Variants in PTGFRN observed in about 807,000 individuals in gnomAD.
PTGFRN encodes the protein prostaglandin F2 receptor inhibitor, also known as prostaglandin F2 receptor negative regulator.
PTGFRN carries 35 observed loss-of-function variants against 83.2 expected under a neutral mutation model. The observed-to-expected ratio is 0.42, with a 90% CI of 0.32 to 0.56. PTGFRN has a LOEUF of 0.56. Ranked by LOEUF, PTGFRN falls within the 20% of genes least tolerant of loss-of-function variation. The pLI is 0.11. For synonymous variants in PTGFRN, 519 were observed against 498.6 expected, an observed-to-expected ratio of 1.04 and a Z score of -0.55; for missense variants, 1,051 against 1,179.5, an observed-to-expected ratio of 0.89 and a Z score of 1.60.
chr1:116,979,929 C>A (rs1221796284), intron 7 of PTGFRN, among the ~76,000 whole-genome samples: 2 of 139,304 alleles, frequency 1.4e-5, no homozygotes, highest in Non-Finnish European at 3.1e-5. Context: ...TCAGAGTGAA[C>A]AGGCAACCTA....
chr1:116,932,954 T>C (rs1273420569), intron 1 of PTGFRN, among the ~76,000 whole-genome samples: 1 of 152,214 alleles, frequency 6.6e-6, no homozygotes, highest in Non-Finnish European at 1.5e-5. Context: ...TCCTCATATC[T>C]GTGATAGGGG....
chr1:116,985,002 A>C lies in PTGFRN; in HGVS notation c.2473+17A>C. The C allele has an allele frequency of 6.2e-7, 1 of 1,603,610 alleles. No individual in the cohort carries two copies. The highest frequency in any genetic ancestry group is 1.1e-5 in the South Asian group (1 of 90,174). ...AGATGGATGGTAAGAATGTCACCCA[A>C]ATTTCTCAGTGTTTGGGAATGTCTT... On this transcript the variant is annotated intron_variant, in intron 8 of 8. Coordinates refer to ENST00000393203, the MANE Select transcript of PTGFRN (RefSeq NM_020440.4).
rs1246635343 is a variant in PTGFRN at position 116,961,891 on chromosome 1, C to G, written c.1639+223C>G. 6.6e-6 allele frequency among the ~76,000 whole-genome samples: 1 copy of G among 152,190 alleles called. No individual in the cohort carries two copies. ...GGTCCCTCTCCAACTCACTGTCAAT[C>G]AGCCAAGTCTCTTGTTTCCTGAACT... On this transcript the variant is annotated intron_variant, in intron 5 of 8. Transcript: ENST00000393203. The surrounding 1 kb of genome is among the most constrained non-coding windows in gnomAD (Gnocchi z 5.4).
At chr1:116,936,612 G>C (rs1649926524) in intron 1 of PTGFRN, among the ~76,000 whole-genome samples, 1 of 152,194 alleles carries the variant, frequency 6.6e-6, no homozygotes. Flanking sequence ...GGGTATTCCA[G>C]GTGATGGAGG....
chr1:116,910,262 CGCGGGGCTCA>C lies in PTGFRN; in HGVS notation c.49+18_49+27del. On this transcript the variant is annotated intron_variant, in intron 1 of 8. Coordinates refer to ENST00000393203, the MANE Select transcript of PTGFRN (RefSeq NM_020440.4). ...GCGCTCCTGTCGTTGGGTGAGTGTG[CGCGGGGCTCA>C]GCGGGGCACACGGGGACTGGCGAGG... 2 of 1,427,562 alleles carry C rather than the reference CGCGGGGCTCA, an allele frequency of 1.4e-6. No homozygotes were observed. Among genetic ancestry groups the C allele is most frequent in the Non-Finnish European group, 1.8e-6 (2 of 1,097,764 alleles). 88.4% of individuals were successfully genotyped at this position (1,427,562 alleles called of 1,614,324 possible).
At position 116,967,068 on chromosome 1, in the gene PTGFRN, C is replaced by A. The variant is rs1557746095; in HGVS notation, c.1797C>A (p.Pro599=). Residue 599 remains proline (P), a synonymous_variant, in exon 6 of 9, where the codon CCC becomes CCA. Transcript: ENST00000393203. ...AGCCTGTCGGCGACCTCTCCAGTCC[C>A]AATGAAACGAAGTACATCATCTCTC... The part of the protein sequence containing the change: ...AEKPVGDLSS[P]NETKYIISLD... The A allele has an allele frequency of 6.2e-7, 1 of 1,614,184 alleles. No homozygotes were observed. The highest frequency in any genetic ancestry group is 2.2e-5 in the East Asian group (1 of 44,890).
rs1357722009 is a variant in PTGFRN, at chr1:116,942,051, A to T, written c.386A>T (p.Gln129Leu). The T allele has an allele frequency of 1.9e-6, 3 of 1,613,974 alleles. No individual in the cohort carries two copies. The highest frequency in any genetic ancestry group is 1.7e-5 in the Admixed American group (1 of 60,008). The change falls in exon 2 of 9, where the codon CAG becomes CTG. Residue 129 changes from glutamine to leucine, a missense_variant. Transcript: ENST00000393203. ...ACCCCCAGCACAGATGCCACTGTCC[A>T]GGGAAACTATGAGGACACAGTGCAG... ...CSTPSTDATV[Q>L]GNYEDTVQVK...
At chr1:116,910,967 C>T (rs12131498) in intron 1 of PTGFRN, among the ~76,000 whole-genome samples, 3 of 152,158 alleles carry the variant, frequency 2.0e-5, no homozygotes, top group Admixed American at 6.5e-5. Flanking sequence ...ACTATCCCCT[C>T]GTCTTCCACC....
In PTGFRN at chr1:116,923,187, A is replaced by G. The variant is rs1303430070; in HGVS notation, c.49+12935A>G. Among the ~76,000 whole-genome samples the G allele has an allele frequency of 6.6e-6, 1 of 152,214 alleles. No homozygotes were observed. The highest frequency in any genetic ancestry group is 1.5e-5 in the Non-Finnish European group (1 of 68,036). On this transcript the variant is annotated intron_variant, in intron 1 of 8. Coordinates refer to ENST00000393203, the MANE Select transcript of PTGFRN (RefSeq NM_020440.4). This position sits in a 1 kb window ranked among gnomAD's most constrained non-coding sequence, Gnocchi z 4.0. ...CTTACCCCAGCATGTAGGAACTTGA[A>G]TCTTTGAATAATTGAATTAATGTAT...
chr1:116,984,793 G>C lies in PTGFRN; in HGVS notation c.2281G>C (p.Asp761His), dbSNP rs961307510. ...RKGIVTTSRR[D>H]WKSDLSLERV... ...GGGCATCGTGACCACCTCCCGGAGG[G>C]ACTGGAAGAGCGACCTCAGCCTGGA... The change falls in exon 8 of 9, where the codon GAC becomes CAC. Residue 761 changes from aspartate to histidine, a missense_variant. Around this residue, in one of 3 missense-constraint regions of PTGFRN, gnomAD observed 719 missense variants for 836.6 expected, o/e 0.86. Transcript: ENST00000393203. 5.0e-6 allele frequency: 8 copies of C among 1,614,126 alleles called. No homozygotes were observed. Among genetic ancestry groups the C allele is most frequent in the Non-Finnish European group, 6.8e-6 (8 of 1,180,022 alleles).
chr1:116,952,546 AAAG>A lies in PTGFRN; in HGVS notation c.1213+2980_1213+2982del, dbSNP rs1376395132. Among the ~76,000 whole-genome samples, 2 of 152,134 alleles carry A rather than the reference AAAG, an allele frequency of 1.3e-5. No homozygotes were observed. The highest frequency in any genetic ancestry group is 4.8e-5 in the African/African-American group (2 of 41,402). ...ACATAAAATCAAGATCAAAAGGGTA[AAAG>A]AAGAATAGATATTGCAAGGTGGTTG... On this transcript the variant is annotated intron_variant, in intron 4 of 8. Coordinates refer to ENST00000393203, the MANE Select transcript of PTGFRN (RefSeq NM_020440.4). The surrounding 1 kb of genome is among the most constrained non-coding windows in gnomAD (Gnocchi z 4.0).
chr1:116,910,908 T>C (rs1649255576), intron 1 of PTGFRN, among the ~76,000 whole-genome samples: 1 of 152,200 alleles, frequency 6.6e-6, no homozygotes, highest in Non-Finnish European at 1.5e-5. Flanking sequence ...CACAAAGACC[T>C]AAAAGCCTGG....
At chr1:116,932,468 C>T (rs946433425) in intron 1 of PTGFRN, among the ~76,000 whole-genome samples, 3 of 152,172 alleles carry the variant, frequency 2.0e-5, no homozygotes, top group Non-Finnish European at 4.4e-5. Context: ...GAGCAGAGGA[C>T]TTCTAAAAGT....
intron 5 of PTGFRN, among the ~76,000 whole-genome samples, chr1:116,964,102 T>C (rs1360187778): frequency 6.6e-6 from 1 of 152,056 alleles, no homozygotes; most frequent in Non-Finnish European, 1.5e-5. Context: ...TATGCTAGTC[T>C]TGATCTTCCT....
At chr1:116,978,664 ATTCAACAGTCC>A (rs1421077839) in intron 7 of PTGFRN, among the ~76,000 whole-genome samples, 2 of 152,234 alleles carry the variant, frequency 1.3e-5, no homozygotes, top group Non-Finnish European at 2.9e-5. Context: ...CTTTGACAAA[ATTCAACAGTCC>A]TTCATGCTAA....
intron 1 of PTGFRN, among the ~76,000 whole-genome samples, chr1:116,933,515 A>G (rs896487383): frequency 6.6e-6 from 1 of 152,298 alleles, no homozygotes; most frequent in Admixed American, 6.5e-5. Context: ...GTTTACCCAC[A>G]TAGTTATTCT....
At position 116,961,041 on chromosome 1, in the gene PTGFRN, TGAG is replaced by T. The variant is rs1650644578; in HGVS notation, c.1214-201_1214-199del. 6.6e-6 allele frequency among the ~76,000 whole-genome samples: 1 copy of T among 152,150 alleles called. No homozygotes were observed. Among genetic ancestry groups the T allele is most frequent in the Non-Finnish European group, 1.5e-5 (1 of 68,014 alleles). On this transcript the variant is annotated intron_variant, in intron 4 of 8. Coordinates refer to ENST00000393203, the MANE Select transcript of PTGFRN (RefSeq NM_020440.4). The surrounding 1 kb of genome is among the most constrained non-coding windows in gnomAD (Gnocchi z 5.4). The stretch of plus-strand genomic sequence containing the variant: ...GGAGGTTTTCTTGGGGTGGGAGGTA[TGAG>T]AAGCGGTGTTTTACAAGTTTTGCAA...
chr1:116,949,356 C>T lies in PTGFRN; in HGVS notation c.997C>T (p.Arg333Trp), dbSNP rs141382228. 8.1e-5 allele frequency: 131 copies of T among 1,614,140 alleles called. No homozygotes were observed. Among genetic ancestry groups the T allele is most frequent in the South Asian group, 2.0e-4 (18 of 91,094 alleles). The change falls in exon 4 of 9, where the codon CGG (arginine) becomes TGG (tryptophan). Residue 333 changes from arginine to tryptophan, a missense_variant. Coordinates refer to ENST00000393203, the MANE Select transcript of PTGFRN (RefSeq NM_020440.4). ...STLPGSRVLA[R>W]LDRDSLVHSS... ...CCTACCTGGCTCCCGCGTGTTGGCG[C>T]GGCTTGACCGTGATTCCCTGGTGCA...
intron 1 of PTGFRN, among the ~76,000 whole-genome samples, chr1:116,911,562 T>C (rs1242452923): frequency 1.3e-5 from 2 of 152,230 alleles, no homozygotes; most frequent in African/African-American, 2.4e-5. Context: ...GCCACATTGC[T>C]TCAGCTTCAG....
Sources: gnomAD v4.1 joint callset for allele counts (sites outside exome capture counted in the v4.1 genomes callset) on GRCh38, gnomAD v4.1.1 for gene constraint, gnomAD v4.1.1 regional missense constraint, Gnocchi (gnomAD v3.1) non-coding constraint, MANE v1.5 for transcripts, NCBI Gene and HGNC (gene_info 2026-07-23, HGNC 2026-07-21) for gene names.